The following GLRB variants were observed in gnomAD, a reference collection of about 807,000 sequenced individuals.
GLRB encodes glycine receptor subunit beta.
GLRB carries 33 observed loss-of-function variants against 54.2 expected under a neutral mutation model. That is an observed-to-expected ratio of 0.61 (90% confidence interval 0.46 to 0.81). GLRB has a LOEUF of 0.81. Ranked by LOEUF, GLRB falls within the 40% of genes least tolerant of loss-of-function variation. The pLI, the probability that GLRB is intolerant of heterozygous loss-of-function variation, is 0.00. For synonymous variants in GLRB, 209 were observed against 208.2 expected (o/e 1.00, Z -0.03); for missense variants, 572 against 584.6 (o/e 0.98, Z 0.22).
chr4:157,170,566 T>A lies in GLRB; in HGVS notation c.1332T>A (p.Val444=). The part of the protein sequence containing the change: ...NYDCYGKPIE[V]NNGLGKSQAK... ...ACTGCTATGGAAAACCCATTGAAGT[T>A]AACAACGGACTTGGGAAATCTCAGG... Residue 444 remains valine, a synonymous_variant, in exon 10 of 10, where the codon GTT becomes GTA. Coordinates refer to ENST00000264428, the MANE Select transcript of GLRB (RefSeq NM_000824.5). 1.9e-6 allele frequency: 3 copies of A among 1,613,452 alleles called. No homozygotes were observed. Among genetic ancestry groups the A allele is most frequent in the Non-Finnish European group, 2.5e-6 (3 of 1,179,524 alleles).
chr4:157,112,610 G>A (rs142843054), intron 2 of GLRB, among the ~76,000 whole-genome samples: 275 of 152,002 alleles, frequency 1.8e-3, no homozygotes, highest in African/African-American at 6.2e-3. Context: ...AGGGAGTAAC[G>A]CAGGCTTAAA....
At chr4:157,082,158 A>G (rs1223077798) in intron 2 of GLRB, among the ~76,000 whole-genome samples, 4 of 152,100 alleles carry the variant, frequency 2.6e-5, no homozygotes, top group Non-Finnish European at 1.5e-5. Flanking sequence ...CTCTTTGAAG[A>G]GCACCACACC....
At chr4:157,102,049 A>G (rs547304280) in intron 2 of GLRB, among the ~76,000 whole-genome samples, 2 of 152,326 alleles carry the variant, frequency 1.3e-5, no homozygotes, top group African/African-American at 4.8e-5. Context: ...CAATTGGTTC[A>G]GTAAAAAGGT....
intron 2 of GLRB, among the ~76,000 whole-genome samples, chr4:157,117,363 T>C (rs1202796598): frequency 6.6e-6 from 1 of 151,726 alleles, no homozygotes. Flanking sequence ...TTTACTTACC[T>C]CTTACTCTTC....
At chr4:157,138,698 A>G (rs946892156) in intron 6 of GLRB, 111 bp from the exon 7 acceptor site, 1 of 645,008 alleles carries the variant, frequency 1.6e-6, no homozygotes, top group African/African-American at 1.8e-5. Context: ...ATTTCATATA[A>G]GAAGGTCTTA....
chr4:157,094,553 A>G (rs1734735807), intron 2 of GLRB, among the ~76,000 whole-genome samples: 2 of 152,254 alleles, frequency 1.3e-5, no homozygotes, highest in Non-Finnish European at 2.9e-5. Context: ...AAAAAAGCAG[A>G]CAACCTAATT....
At position 157,138,744 on chromosome 4, in the gene GLRB, T is replaced by A. The variant is rs1249442748; in HGVS notation, c.611-65T>A. On this transcript the variant is annotated intron_variant, in intron 6 of 9. Transcript: ENST00000264428. ...TTTGCTATGTTTAAGATTTGAATTATGAAAATATTTAAAAAGCATTATTAA... is the reference window on the plus strand; with the variant it reads ...TTTGCTATGTTTAAGATTTGAATTAAGAAAATATTTAAAAAGCATTATTAA... 8.5e-6 allele frequency: 7 copies of A among 825,340 alleles called. No homozygotes were observed. The East Asian group carries it at 1.3e-4, about 16-fold the overall frequency. The allele number at this position is 825,340 out of a possible 1,614,324, so 51.1% of individuals were successfully genotyped here.
At chr4:157,164,583 A>G (rs945549838) in intron 9 of GLRB, among the ~76,000 whole-genome samples, 1 of 152,180 alleles carries the variant, frequency 6.6e-6, no homozygotes, top group African/African-American at 2.4e-5. Context: ...TAGGTCCTCA[A>G]TAAGCACAGG....
Position 157,136,538 on chromosome 4 carries a change from A to G in GLRB, c.367A>G (p.Arg123Gly). 6.2e-7 allele frequency: 1 copy of G among 1,612,958 alleles called. No homozygotes were observed. The highest frequency in any genetic ancestry group is 8.5e-7 in the Non-Finnish European group (1 of 1,178,974). Residue 123 changes from arginine to glycine, a missense_variant, in exon 5 of 10, where the codon AGG becomes GGG. Physicochemically the swap from Arg to Gly is moderately radical, Grantham distance 125. Transcript: ENST00000264428. The stretch of plus-strand genomic sequence containing the variant: ...CAGGCTGAAGCTCCCCAGTGATTTT[A>G]GGGGTTCAGATGCACTGACAGTGGA... The part of the protein sequence containing the change: ...DPRLKLPSDF[R>G]GSDALTVDPT...
Position 157,152,764 on chromosome 4 carries a change from C to T in GLRB, c.951C>T (p.Ala317=), listed in dbSNP as rs748373061. 1.7e-5 allele frequency: 27 copies of T among 1,613,514 alleles called. No homozygotes were observed. Among genetic ancestry groups the T allele is most frequent in the Admixed American group, 5.0e-5 (3 of 59,982 alleles). ...TGGCCTCTGAGTGCACAACCCTTGC[C>T]GCTGAGCTTCCCAAAGTTTCCTATG... is the stretch of plus-strand genomic sequence containing the variant. The part of the protein sequence containing the change: ...LSLASECTTL[A]AELPKVSYVK... The change falls in exon 9 of 10, where the codon GCC becomes GCT. Residue 317 remains alanine (A), a synonymous_variant. Coordinates refer to ENST00000264428, the MANE Select transcript of GLRB (RefSeq NM_000824.5).
At chr4:157,076,539 G>C (rs1734038047) in intron 1 of GLRB, 1 of 152,070 alleles carries the variant, frequency 6.6e-6, no homozygotes, top group Admixed American at 6.5e-5. Context: ...GCTCCGGGTG[G>C]AGAGATGCAG....
At chr4:157,160,776 T>C (rs58122661) in intron 9 of GLRB, among the ~76,000 whole-genome samples, 19,030 of 151,996 alleles carry the variant, frequency 0.13, 2,547 homozygotes, top group African/African-American at 0.34. Flanking sequence ...TTGGAATAAG[T>C]GTGATGTGGT....
intron 4 of GLRB, among the ~76,000 whole-genome samples, chr4:157,125,633 C>CA (rs1181445149): frequency 6.6e-6 from 1 of 151,634 alleles, no homozygotes; most frequent in African/African-American, 2.4e-5. Context: ...CAAGGATGTA[C>CA]AAAAATAAAG....
intron 4 of GLRB, among the ~76,000 whole-genome samples, chr4:157,123,678 A>G (rs2126537498): frequency 6.6e-6 from 1 of 151,910 alleles, no homozygotes; most frequent in South Asian, 2.1e-4. Flanking sequence ...ATTAACTGAA[A>G]ATGTGGTTAA....
intron 7 of GLRB, among the ~76,000 whole-genome samples, chr4:157,141,328 A>C (rs1736602438): frequency 6.6e-6 from 1 of 151,922 alleles, no homozygotes; most frequent in African/African-American, 2.4e-5. Flanking sequence ...ATATATTTTA[A>C]TGTTTGGATA....
At chr4:157,094,958 C>T (rs28711985) in intron 2 of GLRB, among the ~76,000 whole-genome samples, 1 of 152,074 alleles carries the variant, frequency 6.6e-6, no homozygotes, top group Non-Finnish European at 1.5e-5. Flanking sequence ...TTTATTTTGT[C>T]ACACTTAGAA....
Position 157,138,743 on chromosome 4 carries a change from A to G in GLRB, c.611-66A>G, listed in dbSNP as rs115240056. On this transcript the variant is annotated intron_variant, in intron 6 of 9. Coordinates refer to ENST00000264428, the MANE Select transcript of GLRB (RefSeq NM_000824.5). ...CTTTGCTATGTTTAAGATTTGAATT[A>G]TGAAAATATTTAAAAAGCATTATTA... is the stretch of plus-strand genomic sequence containing the variant. 4,620 of 819,566 alleles carry G rather than the reference A, an allele frequency of 5.6e-3. 115 individuals carry two copies. In the African/African-American group the frequency reaches 0.066, roughly 12 times the overall value. The allele number at this position is 819,566 out of a possible 1,614,324, so 50.8% of individuals were successfully genotyped here. A position where few individuals can be genotyped will look rare whatever the true frequency, so the allele number is the denominator to read the frequency against.
At chr4:157,147,405 G>A (rs547724914) in intron 8 of GLRB, among the ~76,000 whole-genome samples, 1 of 152,236 alleles carries the variant, frequency 6.6e-6, no homozygotes, top group East Asian at 1.9e-4. Flanking sequence ...GGTGTCCATG[G>A]ACAGTTTCTT....
intron 2 of GLRB, among the ~76,000 whole-genome samples, chr4:157,102,054 A>C (rs1428565004): frequency 6.6e-6 from 1 of 152,312 alleles, no homozygotes; most frequent in South Asian, 2.1e-4. Context: ...GGTTCAGTAA[A>C]AAGGTGCCAA....
Sources: allele counts gnomAD v4.1 joint callset (sites outside exome capture counted in the v4.1 genomes callset), GRCh38; gene constraint gnomAD v4.1.1; transcripts MANE v1.5; gene names NCBI Gene and HGNC (gene_info 2026-07-23, HGNC 2026-07-21).